PDE1C: variants seen among roughly 807,000 people sequenced by gnomAD.
PDE1C encodes the protein dual specificity calcium/calmodulin-dependent 3',5'-cyclic nucleotide phosphodiesterase 1C.
PDE1C carries 62 observed loss-of-function variants against 93.1 expected under a neutral mutation model. The ratio of observed to expected loss-of-function variants is 0.67; its 90% CI spans 0.54 to 0.82. The LOEUF (loss-of-function observed/expected upper bound fraction) is 0.82. Among genes scored for constraint, PDE1C ranks in the 40% least tolerant of loss-of-function variants. The pLI is 0.00. For synonymous variants in PDE1C, 325 were observed against 310.1 expected (o/e 1.05, Z -0.50); for missense variants, 742 against 884.6 (o/e 0.84, Z 2.04).
At chr7:32,235,166 CAATGTTTTCCCTTATTCCCA>C (rs767300541) in intron 1 of PDE1C, among the ~76,000 whole-genome samples, 10 of 151,904 alleles carry the variant, frequency 6.6e-5, no homozygotes, top group Non-Finnish European at 1.3e-4. Context: ...GAGTGAAAGA[CAATGTTTTCCCTTATTCCCA>C]ATAAGGGAAT....
At chr7:31,694,314 G>A in the PDE1C span, among the ~76,000 whole-genome samples, 3 of 151,602 alleles carry the variant, frequency 2.0e-5, no homozygotes, top group African/African-American at 7.3e-5. Context: ...AATATTTTGG[G>A]ACATCTGAAG....
chr7:32,138,036 T>C (rs1169034536), intron 3 of PDE1C, among the ~76,000 whole-genome samples: 1 of 152,196 alleles, frequency 6.6e-6, no homozygotes, highest in Non-Finnish European at 1.5e-5. Flanking sequence ...AGCATGGCCA[T>C]TTGTCAGTTA....
intron 2 of PDE1C, among the ~76,000 whole-genome samples, chr7:32,172,632 G>A (rs957509928): frequency 1.3e-5 from 2 of 152,068 alleles, no homozygotes; most frequent in Non-Finnish European, 2.9e-5. Context: ...AGACCAGCCT[G>A]ACCAACATGG....
chr7:31,819,986 G>T (rs1788760588), intron 14 of PDE1C, among the ~76,000 whole-genome samples: 1 of 152,086 alleles, frequency 6.6e-6, no homozygotes, highest in African/African-American at 2.4e-5. Context: ...GAACATAGAA[G>T]GTGTTCCCGC....
At chr7:32,112,453 G>T (rs1798694474) in intron 3 of PDE1C, among the ~76,000 whole-genome samples, 1 of 151,914 alleles carries the variant, frequency 6.6e-6, no homozygotes, top group Admixed American at 6.6e-5. Flanking sequence ...CCTAATTTTA[G>T]TTTTCTTTTT....
intron 1 of PDE1C, among the ~76,000 whole-genome samples, chr7:32,377,404 T>C (rs1236372789): frequency 6.6e-6 from 1 of 152,234 alleles, no homozygotes; most frequent in Non-Finnish European, 1.5e-5. Context: ...CTTAGATTAA[T>C]GTGCACTTCC....
At chr7:31,791,439 G>T (rs998106914) in intron 16 of PDE1C, among the ~76,000 whole-genome samples, 5 of 152,230 alleles carry the variant, frequency 3.3e-5, no homozygotes, top group Non-Finnish European at 7.4e-5. Flanking sequence ...TCAAGGATGA[G>T]AAATTTTCCA....
intron 2 of PDE1C, among the ~76,000 whole-genome samples, chr7:32,185,165 A>G (rs1803759347): frequency 6.7e-6 from 1 of 150,300 alleles, no homozygotes; most frequent in Non-Finnish European, 1.5e-5. Context: ...GAATCGCTTG[A>G]ACCCGGGAGG....
At chr7:31,837,743 T>C (rs377025524) in intron 10 of PDE1C, 127 bp downstream of exon 10, 2 of 632,996 alleles carry the variant, frequency 3.2e-6, no homozygotes, top group Middle Eastern at 2.6e-4. Context: ...CCTTCAAACA[T>C]AATCATTGCA....
At chr7:32,181,705 C>T (rs527730860) in intron 2 of PDE1C, among the ~76,000 whole-genome samples, 2 of 151,956 alleles carry the variant, frequency 1.3e-5, no homozygotes, top group East Asian at 3.9e-4. Flanking sequence ...CAGGAAAGAT[C>T]TAAAATTGAC....
chr7:31,661,331 G>A, the PDE1C span, among the ~76,000 whole-genome samples: 402 of 152,250 alleles, frequency 2.6e-3, no homozygotes, highest in Middle Eastern at 6.8e-3. Flanking sequence ...ACATTGCAAA[G>A]CTATTGACTG....
chr7:32,282,485 A>AAATAG (rs1554300215), intron 1 of PDE1C, among the ~76,000 whole-genome samples: 4 of 143,860 alleles, frequency 2.8e-5, no homozygotes, highest in African/African-American at 1.0e-4. Context: ...TCAAAAAAAA[A>AAATAG]ATAGATAGAT....
At chr7:32,392,409 G>A (rs1333256212) in intron 1 of PDE1C, among the ~76,000 whole-genome samples, 1 of 152,136 alleles carries the variant, frequency 6.6e-6, no homozygotes, top group African/African-American at 2.4e-5. Context: ...CCAGAAAACA[G>A]AATATGGGAA....
intron 1 of PDE1C, among the ~76,000 whole-genome samples, chr7:32,266,609 A>G (rs1585051141): frequency 6.6e-6 from 1 of 152,206 alleles, no homozygotes; most frequent in East Asian, 1.9e-4. Context: ...CAGATAAGCT[A>G]TGAATGAATT....
chr7:32,317,026 C>G (rs1783189387), intron 1 of PDE1C, among the ~76,000 whole-genome samples: 1 of 152,186 alleles, frequency 6.6e-6, no homozygotes, highest in Non-Finnish European at 1.5e-5. Flanking sequence ...GCCACTGACA[C>G]AGCCAGCGCT....
chr7:32,254,940 C>T (rs912277188), intron 1 of PDE1C, among the ~76,000 whole-genome samples: 1 of 152,156 alleles, frequency 6.6e-6, no homozygotes, highest in East Asian at 1.9e-4. Context: ...CAGTTCATGC[C>T]CTTAAATCTG....
chr7:31,624,631 T>C, the PDE1C span, among the ~76,000 whole-genome samples: 2 of 149,178 alleles, frequency 1.3e-5, no homozygotes, highest in African/African-American at 4.9e-5. Flanking sequence ...TCAAGATGGA[T>C]TAAAGACTTA....
intron 7 of PDE1C, among the ~76,000 whole-genome samples, chr7:31,857,273 T>G (rs1000585185): frequency 1.3e-5 from 2 of 152,206 alleles, no homozygotes; most frequent in Non-Finnish European, 2.9e-5. Flanking sequence ...GGAATCACTT[T>G]TGATTGCCCA....
intron 1 of PDE1C, among the ~76,000 whole-genome samples, chr7:32,225,353 C>T (rs1045220944): frequency 6.6e-6 from 1 of 152,104 alleles, no homozygotes; most frequent in African/African-American, 2.4e-5. Context: ...CACACACACA[C>T]ACACAAACTC....
Sources: gnomAD v4.1 joint callset for allele counts (sites outside exome capture counted in the v4.1 genomes callset) on GRCh38, gnomAD v4.1.1 for gene constraint, MANE v1.5 for transcripts, NCBI Gene and HGNC (gene_info 2026-07-23, HGNC 2026-07-21) for gene names.